The following TPPP variants were observed in gnomAD, a reference collection of about 807,000 sequenced individuals.
TPPP encodes the protein tubulin polymerization promoting protein.
Under a neutral mutation model 15.5 loss-of-function variants are expected in TPPP, and 6 were observed. The ratio of observed to expected loss-of-function variants is 0.39; its 90% CI spans 0.21 to 0.77. The LOEUF (loss-of-function observed/expected upper bound fraction) is 0.77, where lower values mean the gene tolerates loss of function less well. Ranked by LOEUF, TPPP falls within the 30% of genes least tolerant of loss-of-function variation. The pLI is 0.42. For synonymous variants in TPPP, 146 were observed against 133.9 expected (o/e 1.09, Z -0.63); for missense variants, 269 against 307.2 (o/e 0.88, Z 0.93).
At chr5:670,040 G>A (rs986059379) in intron 2 of TPPP, among the ~76,000 whole-genome samples, 25 of 152,064 alleles carry the variant, frequency 1.6e-4, no homozygotes, top group Non-Finnish European at 2.5e-4. Flanking sequence ...GCTCATACAC[G>A]ATGCCCTGCG....
intron 2 of TPPP, among the ~76,000 whole-genome samples, chr5:669,043 G>A (rs1359897327): frequency 1.3e-5 from 2 of 152,230 alleles, no homozygotes; most frequent in Non-Finnish European, 2.9e-5. Context: ...CTGAGCCAAA[G>A]AAGAAATCGC....
upstream of TPPP, among the ~76,000 whole-genome samples, chr5:696,674 T>C (rs58097492): frequency 0.45 from 25,996 of 57,772 alleles, 9,778 homozygotes; most frequent in African/African-American, 0.88. Flanking sequence ...GCAGCTCCCA[T>C]GGGTCCTTGG....
At chr5:681,159 G>A (rs753202359) in intron 1 of TPPP, among the ~76,000 whole-genome samples, 10 of 152,226 alleles carry the variant, frequency 6.6e-5, no homozygotes, top group Non-Finnish European at 1.2e-4. Flanking sequence ...GATGGGCAGA[G>A]GCCAGGTGTC....
intron 2 of TPPP, among the ~76,000 whole-genome samples, chr5:675,375 G>A (rs1740384914): frequency 8.2e-6 from 1 of 122,636 alleles, no homozygotes; most frequent in Non-Finnish European, 1.7e-5. Flanking sequence ...GTGTGGCCGG[G>A]GGTGCAGCGC....
chr5:680,344 A>C (rs457718), intron 1 of TPPP, among the ~76,000 whole-genome samples: 2 of 54,090 alleles, frequency 3.7e-5, no homozygotes, highest in African/African-American at 2.0e-4. Flanking sequence ...AAAATGCTTC[A>C]GGCTGGGACT....
In TPPP at chr5:662,958, G is replaced by A. The variant is rs933441514; in HGVS notation, c.*2144C>T. 1.3e-5 allele frequency: 2 copies of A among 150,080 alleles called. No individual in the cohort carries two copies. The highest frequency in any genetic ancestry group is 2.9e-5 in the Non-Finnish European group (2 of 69,006). 9.3% of individuals were successfully genotyped at this position (150,080 alleles called of 1,614,324 possible). On this transcript the variant is annotated 3_prime_UTR_variant, in exon 4 of 4. Coordinates refer to ENST00000360578, the MANE Select transcript of TPPP (RefSeq NM_007030.3). ...GATCGGGTGAGTCCGATGACTGCTC[G>A]TCTGTGATCGGGTGATTCCGATGAC...
chr5:699,776 G>C, the TPPP span, among the ~76,000 whole-genome samples: 1 of 151,270 alleles, frequency 6.6e-6, no homozygotes, highest in East Asian at 1.9e-4. Context: ...CCATTAAAAA[G>C]TGGGCAAAGG....
In TPPP at chr5:660,110, G is replaced by A. The variant is rs1345148030; in HGVS notation, c.*4992C>T. ...TCAGCAGAAGTGGCTTTCAGAGTCAGAACAGCCATGACGTGGACATCACCC... is the reference window on the plus strand; with the variant it reads ...TCAGCAGAAGTGGCTTTCAGAGTCAAAACAGCCATGACGTGGACATCACCC... On this transcript the variant is annotated 3_prime_UTR_variant, in exon 4 of 4. Transcript: ENST00000360578. 6.6e-6 allele frequency: 1 copy of A among 152,154 alleles called. No individual in the cohort carries two copies. Among genetic ancestry groups the A allele is most frequent in the Non-Finnish European group, 1.5e-5 (1 of 68,016 alleles). The allele number at this position is 152,154 out of a possible 1,614,324, so 9.4% of individuals were successfully genotyped here. A position where few individuals can be genotyped will look rare whatever the true frequency, so the allele number is the denominator to read the frequency against.
At position 662,219 on chromosome 5, in the gene TPPP, T is replaced by G. The variant is rs1465515559; in HGVS notation, c.*2883A>C. ...TCTGGGAAGGGCTGTGGTGAGTCGGTGCTGGCCGTGTGGGCGAGGTGACCC... is the reference window on the plus strand; with the variant it reads ...TCTGGGAAGGGCTGTGGTGAGTCGGGGCTGGCCGTGTGGGCGAGGTGACCC... On this transcript the variant is annotated 3_prime_UTR_variant, in exon 4 of 4. Coordinates refer to ENST00000360578, the MANE Select transcript of TPPP (RefSeq NM_007030.3). 6.6e-6 allele frequency: 1 copy of G among 152,548 alleles called. No homozygotes were observed. The highest frequency in any genetic ancestry group is 1.9e-4 in the East Asian group (1 of 5,326). The allele number at this position is 152,548 out of a possible 1,614,324, so 9.4% of individuals were successfully genotyped here. A position where few individuals can be genotyped will look rare whatever the true frequency, so the allele number is the denominator to read the frequency against.
upstream of TPPP, among the ~76,000 whole-genome samples, chr5:693,972 G>A (rs1255050009): frequency 7.8e-4 from 115 of 147,146 alleles, 2 homozygotes; most frequent in Admixed American, 1.8e-3. Context: ...AGACGGGTCC[G>A]TGCCGGGCGC....
At chr5:691,978 GACCCCATCAAAACAGCAGCCCCCCA>G (rs1740887877) in intron 1 of TPPP, among the ~76,000 whole-genome samples, 2 of 37,264 alleles carry the variant, frequency 5.4e-5, no homozygotes, top group South Asian at 9.6e-4. Context: ...GCAGCCCCCA[GACCCCATCAAAACAGCAGCCCCCCA>G]ACCCCTATCA....
intron 2 of TPPP, among the ~76,000 whole-genome samples, chr5:666,581 G>C (rs1350756599): frequency 6.6e-6 from 1 of 152,198 alleles, no homozygotes; most frequent in Non-Finnish European, 1.5e-5. Context: ...CCGGACACTT[G>C]GCAGCATGGG....
At chr5:697,501 G>A (rs866954750), upstream of TPPP, among the ~76,000 whole-genome samples, 27 of 152,058 alleles carry the variant, frequency 1.8e-4, no homozygotes, top group African/African-American at 3.9e-4. Flanking sequence ...GCGGAGGGCC[G>A]CAGAGAAGGG....
At chr5:668,426 G>A (rs1240272104) in intron 2 of TPPP, among the ~76,000 whole-genome samples, 1 of 126,156 alleles carries the variant, frequency 7.9e-6, no homozygotes, top group African/African-American at 2.9e-5. Flanking sequence ...AGGGGGCCGC[G>A]TGGGCGCCGT....
intron 1 of TPPP, among the ~76,000 whole-genome samples, chr5:681,258 C>T (rs904525256): frequency 6.6e-6 from 1 of 152,194 alleles, no homozygotes. Flanking sequence ...GCTCTTTCAC[C>T]GTGAGGGAAA....
At position 661,364 on chromosome 5, in the gene TPPP, A is replaced by C. The variant is rs1739597154; in HGVS notation, c.*3738T>G. On this transcript the variant is annotated 3_prime_UTR_variant, in exon 4 of 4. Coordinates refer to ENST00000360578, the MANE Select transcript of TPPP (RefSeq NM_007030.3). ...CTCTCCTGGTGTCACCCATGATAGAACCTGTCCCTGTGTCCTCGTGTCACC... is the reference window on the plus strand; with the variant it reads ...CTCTCCTGGTGTCACCCATGATAGACCCTGTCCCTGTGTCCTCGTGTCACC... The C allele has an allele frequency of 1.0e-5, 1 of 100,402 alleles. No individual in the cohort carries two copies. Among genetic ancestry groups the C allele is most frequent in the Non-Finnish European group, 2.2e-5 (1 of 45,396 alleles). The allele number at this position is 100,402 out of a possible 1,614,324, so 6.2% of individuals were successfully genotyped here.
chr5:672,319 C>T (rs1740252193), intron 2 of TPPP, among the ~76,000 whole-genome samples: 1 of 152,216 alleles, frequency 6.6e-6, no homozygotes, highest in African/African-American at 2.4e-5. Context: ...TTCCTTCTAA[C>T]CAGCGTCCAG....
chr5:684,769 C>A (rs980816596), intron 1 of TPPP, among the ~76,000 whole-genome samples: 5 of 152,174 alleles, frequency 3.3e-5, no homozygotes, highest in African/African-American at 9.7e-5. Context: ...TATCATCGCA[C>A]GGCACTCCTG....
In TPPP at chr5:673,709, G is replaced by A. The variant is rs1333432150; in HGVS notation, c.311+4041C>T. Among the ~76,000 whole-genome samples, 3 of 152,284 alleles carry A rather than the reference G, an allele frequency of 2.0e-5. No homozygotes were observed. The South Asian group carries it at 6.2e-4, about 32-fold the overall frequency. The stretch of plus-strand genomic sequence containing the variant: ...CTGGCACACCCCAAGGCTGGTCCCC[G>A]GCCCCACACTGGGGAGGTGAATGTG... On this transcript the variant is annotated intron_variant, in intron 2 of 3. Transcript: ENST00000360578.
Sources: allele counts gnomAD v4.1 joint callset (sites outside exome capture counted in the v4.1 genomes callset), GRCh38; gene constraint gnomAD v4.1.1; transcripts MANE v1.5; gene names NCBI Gene and HGNC (gene_info 2026-07-23, HGNC 2026-07-21).